The following CILK1 variants were observed in gnomAD, a reference collection of about 807,000 sequenced individuals.
CILK1 encodes ciliogenesis associated kinase 1.
CILK1 carries 47 observed loss-of-function variants against 79.2 expected under a neutral mutation model. The ratio of observed to expected loss-of-function variants is 0.59; its 90% CI spans 0.47 to 0.76. The LOEUF (loss-of-function observed/expected upper bound fraction) is 0.76. CILK1 is among the 30% of genes least tolerant of loss of function. CILK1 has a pLI of 0.00. For synonymous variants in CILK1, 266 were observed against 275.9 expected (o/e 0.96, Z 0.36); for missense variants, 660 against 769.5 (o/e 0.86, Z 1.68).
chr6:53,056,992 T>C (rs1184103864), intron 1 of CILK1, among the ~76,000 whole-genome samples: 1 of 152,218 alleles, frequency 6.6e-6, no homozygotes, highest in Non-Finnish European at 1.5e-5. Context: ...TGAAGGCATG[T>C]ATATCTTACA....
chr6:53,029,823 T>C (rs781609193), intron 5 of CILK1, among the ~76,000 whole-genome samples: 2 of 152,240 alleles, frequency 1.3e-5, no homozygotes, highest in Non-Finnish European at 2.9e-5. Context: ...ATATTTACAA[T>C]GGCAACAACA....
chr6:53,059,142 G>A (rs1768198108), intron 1 of CILK1, among the ~76,000 whole-genome samples: 1 of 152,126 alleles, frequency 6.6e-6, no homozygotes, highest in South Asian at 2.1e-4. Flanking sequence ...TACTGTCAAG[G>A]GATAAGCAGA....
chr6:53,050,785 A>G (rs1298179342), intron 1 of CILK1, among the ~76,000 whole-genome samples: 1 of 151,980 alleles, frequency 6.6e-6, no homozygotes, highest in East Asian at 1.9e-4. Flanking sequence ...CCTAGGTCAC[A>G]CCACTGCACT....
chr6:53,045,554 A>C (rs1199978570), intron 1 of CILK1, among the ~76,000 whole-genome samples: 1 of 152,200 alleles, frequency 6.6e-6, no homozygotes, highest in Non-Finnish European at 1.5e-5. Context: ...AATTTGCCCA[A>C]CTATAGGCCA....
At position 53,005,065 on chromosome 6, in the gene CILK1, C is replaced by T; in HGVS notation, c.*84G>A. ...TGTTGATTTGCTTTTATGCCCTCTG[C>T]ACATCTTGCAGGTAGAACACCAGTC... On this transcript the variant is annotated 3_prime_UTR_variant, in exon 14 of 14. Transcript: ENST00000676107. 2 of 1,468,872 alleles carry T rather than the reference C, an allele frequency of 1.4e-6. No individual in the cohort carries two copies. The highest frequency in any genetic ancestry group is 1.9e-6 in the Non-Finnish European group (2 of 1,052,456). 91.0% of individuals were successfully genotyped at this position (1,468,872 alleles called of 1,614,324 possible).
In CILK1 at chr6:53,009,426, G is replaced by C. The variant is rs767305284; in HGVS notation, c.1621+13C>G. On this transcript the variant is annotated intron_variant, in intron 12 of 13. Transcript: ENST00000676107. ...TGCTTTTTGCCATTTAGGGGTTAAT[G>C]ATCATTACTCACCTGAATTTACTTT... is the stretch of plus-strand genomic sequence containing the variant. 3 of 1,613,786 alleles carry C rather than the reference G, an allele frequency of 1.9e-6. No homozygotes were observed. In the South Asian group the frequency reaches 3.3e-5, roughly 18 times the overall value.
At chr6:53,028,265 G>A (rs778493880) in intron 5 of CILK1, among the ~76,000 whole-genome samples, 13 of 152,290 alleles carry the variant, frequency 8.5e-5, no homozygotes, top group South Asian at 6.2e-4. Context: ...GCAGTGAGCC[G>A]AGACTGCGTG....
chr6:53,036,937 G>A (rs1232771104), intron 3 of CILK1, among the ~76,000 whole-genome samples: 1 of 151,936 alleles, frequency 6.6e-6, no homozygotes, highest in South Asian at 2.1e-4. Context: ...TTTTGCTCTT[G>A]TTACACATGT....
chr6:53,046,143 T>G (rs561504790), intron 1 of CILK1, among the ~76,000 whole-genome samples: 1 of 152,250 alleles, frequency 6.6e-6, no homozygotes, highest in African/African-American at 2.4e-5. Context: ...CTTAATTACA[T>G]GACCTTTTCT....
chr6:53,047,117 A>T (rs1767131815), intron 1 of CILK1, among the ~76,000 whole-genome samples: 1 of 152,154 alleles, frequency 6.6e-6, no homozygotes, highest in Non-Finnish European at 1.5e-5. Flanking sequence ...GCAGGTCAGG[A>T]TGGGGGCTGA....
intron 1 of CILK1, among the ~76,000 whole-genome samples, chr6:53,053,586 GAGA>G (rs1767639075): frequency 6.6e-6 from 1 of 152,206 alleles, no homozygotes; most frequent in African/African-American, 2.4e-5. Context: ...TGGCAGAAAT[GAGA>G]CAGGAACCCA....
In CILK1 at chr6:53,036,676, A is replaced by G. The variant is rs756761345; in HGVS notation, c.156+1263T>C. On this transcript the variant is annotated intron_variant, in intron 3 of 13. Coordinates refer to ENST00000676107, the MANE Select transcript of CILK1 (RefSeq NM_014920.5). ...AGTGATCCACCAGCCTCAGCCTCCC[A>G]AAGTGCTGGGATTACAGGTGTGAGC... Among the ~76,000 whole-genome samples, 70 of 152,298 alleles carry G rather than the reference A, an allele frequency of 4.6e-4. 1 individual carries two copies. Among genetic ancestry groups the G allele is most frequent in the Non-Finnish European group, 5.9e-5 (4 of 68,018 alleles).
rs1048668551 is a variant in CILK1, at chr6:53,001,934, A to G, written c.*3215T>C. The G allele has an allele frequency of 6.6e-6, 1 of 152,668 alleles. No homozygotes were observed. Among genetic ancestry groups the G allele is most frequent in the African/African-American group, 2.4e-5 (1 of 41,476 alleles). 9.5% of individuals were successfully genotyped at this position (152,668 alleles called of 1,614,324 possible). ...GGGAAATGCTACTTCATGAGAAAGC[A>G]TGGTGCCCATCAACTCCAACAGTAC... On this transcript the variant is annotated 3_prime_UTR_variant, in exon 14 of 14. Transcript: ENST00000676107.
chr6:53,023,208 C>T (rs138047768), intron 5 of CILK1, among the ~76,000 whole-genome samples: 3 of 152,286 alleles, frequency 2.0e-5, no homozygotes, highest in East Asian at 1.9e-4. Flanking sequence ...GCTGGGATTA[C>T]AGGTGTAAGC....
chr6:53,032,426 A>G, intron 4 of CILK1, 107 bp downstream of exon 4: 1 of 546,146 alleles, frequency 1.8e-6, no homozygotes, highest in Non-Finnish European at 2.6e-6. Flanking sequence ...AAAAAATAAA[A>G]AATAAAAAAA....
rs1764613475 is a variant in CILK1, at chr6:53,012,187, T to C, written c.1193A>G (p.Lys398Arg). The change falls in exon 10 of 14, where the codon AAG becomes AGG. Residue 398 changes from lysine (K) to arginine (R), a missense_variant. Lys to Arg is a conservative substitution (Grantham distance 26). Transcript: ENST00000676107. ...ACCCCACCTTCTCCTACTCTTTGGC[T>C]TTATCTCACCATTTTTGTGCTCCAG... is the stretch of plus-strand genomic sequence containing the variant. ...AGLEHKNGEI[K>R]PKSRRRWGLI... The C allele has an allele frequency of 6.2e-7, 1 of 1,614,072 alleles. No homozygotes were observed. Among genetic ancestry groups the C allele is most frequent in the African/African-American group, 1.3e-5 (1 of 74,922 alleles).
intron 1 of CILK1, chr6:53,061,168 T>G (rs1056362586): frequency 3.3e-5 from 5 of 152,202 alleles, no homozygotes; most frequent in Non-Finnish European, 7.3e-5. Flanking sequence ...AATATCCTTC[T>G]CATAACAGCT....
intron 5 of CILK1, among the ~76,000 whole-genome samples, chr6:53,022,238 TAC>T (rs1765292316): frequency 6.6e-6 from 1 of 152,212 alleles, no homozygotes; most frequent in Admixed American, 6.5e-5. Context: ...ATCCTTGGTG[TAC>T]AGTGTTTATA....
Position 53,012,108 on chromosome 6 carries a change from C to T in CILK1, c.1272G>A (p.Leu424=), listed in dbSNP as rs746157329. 37 of 1,614,122 alleles carry T rather than the reference C, an allele frequency of 2.3e-5. No individual in the cohort carries two copies. Among genetic ancestry groups the T allele is most frequent in the Non-Finnish European group, 2.7e-5 (32 of 1,180,010 alleles). Residue 424 remains leucine, a synonymous_variant, in exon 10 of 14, where the codon TTG becomes TTA. Transcript: ENST00000676107. ...TCCTGCTGAGGGATGGACTGAAATCCAAGTCATCCAAGTCAGCCCAATCAT... is the reference window on the plus strand; with the variant it reads ...TCCTGCTGAGGGATGGACTGAAATCTAAGTCATCCAAGTCAGCCCAATCAT... ...DSDDWADLDD[L]DFSPSLSRID...
Sources: allele counts gnomAD v4.1 joint callset (sites outside exome capture counted in the v4.1 genomes callset), GRCh38; gene constraint gnomAD v4.1.1; transcripts MANE v1.5; gene names NCBI Gene and HGNC (gene_info 2026-07-23, HGNC 2026-07-21).